Variants in CUL5 observed in about 807,000 individuals in gnomAD.
CUL5 encodes the protein cullin 5.
CUL5 carries 26 observed loss-of-function variants against 108.8 expected under a neutral mutation model. That is an observed-to-expected ratio of 0.24 (90% CI 0.18 to 0.33). CUL5 has a LOEUF of 0.33. CUL5 is among the 10% of genes least tolerant of loss of function. The pLI, the probability that CUL5 is intolerant of heterozygous loss-of-function variation, is 1.00. For missense variants in CUL5, 524 were observed against 909.2 expected (o/e 0.58, Z 5.45); for synonymous variants, 334 against 298.0 (o/e 1.12, Z -1.25).
At chr11:108,017,952 G>A (rs1028341652) in intron 1 of CUL5, among the ~76,000 whole-genome samples, 1 of 152,090 alleles carries the variant, frequency 6.6e-6, no homozygotes, top group Non-Finnish European at 1.5e-5. Flanking sequence ...TTTGTTGAAT[G>A]TTCTTTTTCT....
At chr11:108,017,494 CAT>C (rs1565230846) in intron 1 of CUL5, among the ~76,000 whole-genome samples, 1 of 150,800 alleles carries the variant, frequency 6.6e-6, no homozygotes, top group Non-Finnish European at 1.5e-5. Flanking sequence ...ACACTAAAGA[CAT>C]AAAGAATACA....
chr11:108,029,504 C>T lies in CUL5; in HGVS notation c.25-4298C>T, dbSNP rs184278091. Among the ~76,000 whole-genome samples, 11 of 152,274 alleles carry T rather than the reference C, an allele frequency of 7.2e-5. No homozygotes were observed. In the East Asian group the frequency reaches 1.3e-3, roughly 19 times the overall value. ...GCAGCCTTCAGTCAGTCAGTGAAAA[C>T]GTACATAAATCAAGGTTCATAGTCT... is the stretch of plus-strand genomic sequence containing the variant. On this transcript the variant is annotated intron_variant, in intron 1 of 18. Coordinates refer to ENST00000393094, the MANE Select transcript of CUL5 (RefSeq NM_003478.6).
rs1396898311 is a variant in CUL5, at chr11:108,009,213, C to T, written c.-136C>T. On this transcript the variant is annotated 5_prime_UTR_variant, in exon 1 of 19. Coordinates refer to ENST00000393094, the MANE Select transcript of CUL5 (RefSeq NM_003478.6). ...GGACGAGGTCAGCGCTGTCGGCGCG[C>T]TGCTCCAGCGCCCACCACACCCTGG... 1.3e-5 allele frequency: 11 copies of T among 862,980 alleles called. No homozygotes were observed. The East Asian group carries it at 2.8e-4, about 22-fold the overall frequency. 53.5% of individuals were successfully genotyped at this position (862,980 alleles called of 1,614,324 possible).
intron 3 of CUL5, among the ~76,000 whole-genome samples, chr11:108,047,048 T>C (rs960201070): frequency 2.6e-5 from 4 of 152,156 alleles, no homozygotes; most frequent in Non-Finnish European, 4.4e-5. Context: ...CAGGGCACAG[T>C]AGCTCAGGCC....
chr11:108,071,794 T>C (rs1269290715), intron 8 of CUL5, among the ~76,000 whole-genome samples: 4 of 152,100 alleles, frequency 2.6e-5, no homozygotes, highest in Non-Finnish European at 4.4e-5. Flanking sequence ...GCTCAAATGA[T>C]CCTCCCACCT....
chr11:108,024,044 C>G (rs749782694), intron 1 of CUL5, among the ~76,000 whole-genome samples: 1 of 152,186 alleles, frequency 6.6e-6, no homozygotes, highest in African/African-American at 2.4e-5. Context: ...GCAGTTTACT[C>G]TCTAAGCCTG....
At chr11:108,014,935 C>G (rs1259727914) in intron 1 of CUL5, among the ~76,000 whole-genome samples, 1 of 152,112 alleles carries the variant, frequency 6.6e-6, no homozygotes, top group East Asian at 1.9e-4. Flanking sequence ...GTCTCACTCT[C>G]TTGCCCAGGC....
At chr11:108,085,926 C>T (rs752037343) in intron 11 of CUL5, among the ~76,000 whole-genome samples, 24 of 152,064 alleles carry the variant, frequency 1.6e-4, no homozygotes, top group Non-Finnish European at 2.8e-4. Flanking sequence ...CTGAATTGTA[C>T]ATTTTAAGTG....
At chr11:108,011,164 C>G (rs1213117464) in intron 1 of CUL5, among the ~76,000 whole-genome samples, 1 of 152,140 alleles carries the variant, frequency 6.6e-6, no homozygotes, top group East Asian at 1.9e-4. Context: ...AAAGCAAGGT[C>G]TTTTTCTCCC....
chr11:108,071,364 G>A (rs1456059925), intron 8 of CUL5, among the ~76,000 whole-genome samples: 2 of 151,688 alleles, frequency 1.3e-5, no homozygotes, highest in African/African-American at 4.8e-5. Flanking sequence ...GGGCTCAAGC[G>A]ATCCTCCCAC....
chr11:108,048,133 TC>T (rs1863111596), intron 3 of CUL5, among the ~76,000 whole-genome samples: 1 of 151,752 alleles, frequency 6.6e-6, no homozygotes, highest in African/African-American at 2.4e-5. Flanking sequence ...TTTTTTTTTT[TC>T]ATGAATCATT....
intron 3 of CUL5, 175 bp downstream of exon 3, chr11:108,046,544 T>C: frequency 1.9e-6 from 1 of 530,548 alleles, no homozygotes; most frequent in Middle Eastern, 5.1e-4. Context: ...ATTATTTTTT[T>C]CCCACAGTGA....
intron 1 of CUL5, among the ~76,000 whole-genome samples, chr11:108,033,085 T>C (rs1591284883): frequency 6.6e-6 from 1 of 152,206 alleles, no homozygotes; most frequent in African/African-American, 2.4e-5. Flanking sequence ...TGATTTGTTA[T>C]AGGGAAAGGA....
In CUL5 at chr11:108,049,994, A is replaced by G. The variant is rs1863170673; in HGVS notation, c.339A>G (p.Gln113=). Residue 113 remains glutamine, a synonymous_variant, in exon 4 of 19, where the codon CAA becomes CAG. Transcript: ENST00000393094. ...ATATTTTACCAAAACCTTTTTGTCA[A>G]CTAGAGATTACTTTAATGGGTAAAC... The part of the protein sequence containing the change: ...QCDILPKPFC[Q]LEITLMGKQG... 3 of 1,613,776 alleles carry G rather than the reference A, an allele frequency of 1.9e-6. No homozygotes were observed. The highest frequency in any genetic ancestry group is 2.5e-6 in the Non-Finnish European group (3 of 1,179,762).
chr11:108,065,112 G>A (rs371153063), intron 7 of CUL5, among the ~76,000 whole-genome samples: 65 of 151,810 alleles, frequency 4.3e-4, no homozygotes, highest in African/African-American at 1.5e-3. Flanking sequence ...TGCAAGCTCC[G>A]CCTCCTGGGT....
chr11:108,076,107 C>T (rs191899663), intron 10 of CUL5, among the ~76,000 whole-genome samples: 10 of 152,270 alleles, frequency 6.6e-5, no homozygotes, highest in African/African-American at 2.4e-4. Context: ...ACATGGCTCA[C>T]TGGAGCTTCG....
At chr11:108,077,397 G>C (rs1174887969) in intron 10 of CUL5, among the ~76,000 whole-genome samples, 2 of 152,192 alleles carry the variant, frequency 1.3e-5, no homozygotes, top group African/African-American at 2.4e-5. Flanking sequence ...CTGTAATCCA[G>C]CACTTTGAGA....
chr11:108,057,058 G>C (rs1863397792), intron 7 of CUL5, among the ~76,000 whole-genome samples: 1 of 152,158 alleles, frequency 6.6e-6, no homozygotes, highest in Non-Finnish European at 1.5e-5. Flanking sequence ...AGGTGAAATT[G>C]TTCTGATCTC....
intron 1 of CUL5, among the ~76,000 whole-genome samples, chr11:108,015,519 A>G (rs868505999): frequency 6.6e-6 from 1 of 152,204 alleles, no homozygotes; most frequent in Non-Finnish European, 1.5e-5. Flanking sequence ...CTTGAAACGT[A>G]TATCTAAGAG....
Sources: allele counts gnomAD v4.1 joint callset (sites outside exome capture counted in the v4.1 genomes callset), GRCh38; gene constraint gnomAD v4.1.1; transcripts MANE v1.5; gene names NCBI Gene and HGNC (gene_info 2026-07-23, HGNC 2026-07-21).